Variants in NOXRED1 observed in about 807,000 individuals in gnomAD.
The protein encoded by NOXRED1 is NADP-dependent oxidoreductase domain-containing protein 1.
Under a neutral mutation model 30.4 loss-of-function variants are expected in NOXRED1, and 20 were observed. That is an observed-to-expected ratio of 0.66 (90% confidence interval 0.46 to 0.96). NOXRED1 has a LOEUF of 0.96. Ranked by LOEUF, NOXRED1 falls within the 40% of genes least tolerant of loss-of-function variation. The pLI, the probability that NOXRED1 is intolerant of heterozygous loss-of-function variation, is 0.00. For synonymous variants in NOXRED1, 155 were observed against 168.0 expected, an observed-to-expected ratio of 0.92 and a Z score of 0.60; for missense variants, 374 against 428.0, an observed-to-expected ratio of 0.87 and a Z score of 1.11.
intron 5 of NOXRED1, among the ~76,000 whole-genome samples, chr14:77,402,928 G>A (rs376780507): frequency 6.6e-6 from 1 of 151,846 alleles, no homozygotes. Flanking sequence ...CCAGCTACTT[G>A]GGAGGCTGAG....
intron 5 of NOXRED1, 22 bp downstream of exon 5, chr14:77,405,891 G>C: frequency 1.4e-6 from 2 of 1,422,736 alleles, no homozygotes; most frequent in Non-Finnish European, 2.0e-6. Context: ...AATGAGAATG[G>C]CCAGCTGTCC....
intron 5 of NOXRED1, among the ~76,000 whole-genome samples, chr14:77,404,240 G>A (rs1894400124): frequency 6.6e-6 from 1 of 152,184 alleles, no homozygotes; most frequent in Non-Finnish European, 1.5e-5. Flanking sequence ...ACAGAAAAGT[G>A]AGGGGAATCC....
intron 2 of NOXRED1, 31 bp from the exon 3 acceptor site, chr14:77,407,676 A>G (rs1372042984): frequency 3.9e-6 from 6 of 1,549,468 alleles, no homozygotes; most frequent in Non-Finnish European, 5.3e-6. Context: ...CAGGAAGAGC[A>G]CAGTACTAAA....
chr14:77,410,617 A>T (rs1415633201), intron 2 of NOXRED1, among the ~76,000 whole-genome samples: 1 of 152,142 alleles, frequency 6.6e-6, no homozygotes, highest in African/African-American at 2.4e-5. Context: ...TCTCAAAATA[A>T]ATAAATACAT....
chr14:77,406,202 T>A, intron 4 of NOXRED1, 67 bp from the exon 5 acceptor site: 1 of 1,148,470 alleles, frequency 8.7e-7, no homozygotes, highest in Non-Finnish European at 1.3e-6. Context: ...AAACCTAGAA[T>A]AAACCCCTGA....
intron 1 of NOXRED1, among the ~76,000 whole-genome samples, chr14:77,420,827 C>T (rs984743066): frequency 2.0e-5 from 3 of 152,278 alleles, no homozygotes; most frequent in East Asian, 3.9e-4. Context: ...GATTCTGGGG[C>T]CTGTCAAATC....
In NOXRED1 at chr14:77,394,435, T is replaced by C; in HGVS notation, c.*196A>G. On this transcript the variant is annotated 3_prime_UTR_variant, in exon 6 of 6. Transcript: ENST00000380835. ...TCACTAGTTGCTTCTGAGAGCCAGA[T>C]ACATATTGATGGATAGGACCACTTG... 4.9e-6 allele frequency: 2 copies of C among 409,168 alleles called. No homozygotes were observed. Among genetic ancestry groups the C allele is most frequent in the Non-Finnish European group, 8.6e-6 (2 of 231,378 alleles). The allele number at this position is 409,168 out of a possible 1,614,324, so 25.3% of individuals were successfully genotyped here. A position where few individuals can be genotyped will look rare whatever the true frequency, so the allele number is the denominator to read the frequency against.
Position 77,413,935 on chromosome 14 carries a change from C to T in NOXRED1, c.348G>A (p.Leu116=). The T allele has an allele frequency of 6.3e-7, 1 of 1,582,496 alleles. No homozygotes were observed. Among genetic ancestry groups the T allele is most frequent in the Non-Finnish European group, 8.6e-7 (1 of 1,158,874 alleles). ...TTTCTACCACACACTGCTCCTCACC[C>T]AGAGTCTCTGGCCTCCGAGTGGAGA... is the stretch of plus-strand genomic sequence containing the variant. ...LRISTRRPET[L]GELQKLGIKC... is the part of the protein sequence containing the mutation. The change falls in exon 2 of 6, where the codon CTG becomes CTA. Residue 116 remains leucine, a splice_region_variant and synonymous_variant. Transcript: ENST00000380835.
At chr14:77,414,311 C>T (rs1894754317) in intron 1 of NOXRED1, among the ~76,000 whole-genome samples, 184 bp from the exon 2 acceptor site, 1 of 151,750 alleles carries the variant, frequency 6.6e-6, no homozygotes, top group African/African-American at 2.4e-5. Context: ...TCCCGAGTAG[C>T]TGGGACTACA....
intron 5 of NOXRED1, among the ~76,000 whole-genome samples, chr14:77,401,159 G>C (rs1196637687): frequency 6.6e-6 from 1 of 152,170 alleles, no homozygotes; most frequent in African/African-American, 2.4e-5. Context: ...TGGATCACGA[G>C]GTCAGGAGTT....
Position 77,412,101 on chromosome 14 carries a change from T to TAAA in NOXRED1, c.349+1830_349+1832dup, listed in dbSNP as rs71128621. ...CTAGGTGACAGAGCAAGACTCAGTC[T>TAAA]AAAAAAAAAAAAAAAAAAAAAAAAA... On this transcript the variant is annotated intron_variant, in intron 2 of 5. Coordinates refer to ENST00000380835, the MANE Select transcript of NOXRED1 (RefSeq NM_001113475.3). Among the ~76,000 whole-genome samples, 204 of 63,696 alleles carry TAAA rather than the reference T, an allele frequency of 3.2e-3. 2 individuals carry two copies. Among genetic ancestry groups the TAAA allele is most frequent in the African/African-American group, 0.01 (183 of 17,996 alleles). 41.8% of individuals were successfully genotyped at this position (63,696 alleles called of 152,430 possible).
intron 5 of NOXRED1, among the ~76,000 whole-genome samples, chr14:77,400,525 A>G (rs1894299216): frequency 6.6e-6 from 1 of 152,196 alleles, no homozygotes; most frequent in Non-Finnish European, 1.5e-5. Flanking sequence ...ACTATATGTA[A>G]GATGTACATT....
chr14:77,407,720 G>T (rs1443086805), intron 2 of NOXRED1, 75 bp from the exon 3 acceptor site: 2 of 994,114 alleles, frequency 2.0e-6, no homozygotes, highest in African/African-American at 3.2e-5. Context: ...TGGGGAGAGG[G>T]TGATCATTAT....
At chr14:77,411,763 T>C (rs1894659442) in intron 2 of NOXRED1, among the ~76,000 whole-genome samples, 1 of 152,204 alleles carries the variant, frequency 6.6e-6, no homozygotes, top group African/African-American at 2.4e-5. Flanking sequence ...CATCAAATTG[T>C]ACTCTTTTAA....
intron 5 of NOXRED1, among the ~76,000 whole-genome samples, chr14:77,401,165 G>A: frequency 6.6e-6 from 1 of 151,954 alleles, no homozygotes; most frequent in East Asian, 1.9e-4. Flanking sequence ...ACGAGGTCAG[G>A]AGTTTGAGAC....
At chr14:77,413,565 G>A (rs1295990314) in intron 2 of NOXRED1, among the ~76,000 whole-genome samples, 1 of 151,962 alleles carries the variant, frequency 6.6e-6, no homozygotes, top group Non-Finnish European at 1.5e-5. Context: ...GTCAGTAAAT[G>A]TCATTTTTAA....
intron 5 of NOXRED1, among the ~76,000 whole-genome samples, chr14:77,395,288 A>G (rs1566704349): frequency 6.6e-6 from 1 of 151,546 alleles, no homozygotes; most frequent in Non-Finnish European, 1.5e-5. Flanking sequence ...TTGTATTTTT[A>G]GTAGATACGG....
rs552243637 is a variant in NOXRED1 at position 77,407,467 on chromosome 14, G to A, written c.528C>T (p.Pro176=). The A allele has an allele frequency of 6.2e-7, 1 of 1,611,386 alleles. No homozygotes were observed. The highest frequency in any genetic ancestry group is 1.1e-5 in the South Asian group (1 of 91,022). The part of the protein sequence containing the change: ...VYSFVAAIPL[P]RLKLLLNHTN... Reference sequence around the variant, plus strand: ...CCATTCTCACCCTAACAAGATACCTGGGTAGTGGGATGGCAGCTACAAAGC... The same window carrying A: ...CCATTCTCACCCTAACAAGATACCTAGGTAGTGGGATGGCAGCTACAAAGC... Residue 176 remains proline, a splice_region_variant and synonymous_variant, in exon 3 of 6, where the codon CCC becomes CCT. Transcript: ENST00000380835.
chr14:77,424,449 A>T (rs1348022536), upstream of NOXRED1, among the ~76,000 whole-genome samples: 1 of 152,252 alleles, frequency 6.6e-6, no homozygotes, highest in Non-Finnish European at 1.5e-5. Flanking sequence ...CCTGGGCGGC[A>T]GAGGGAGACT....
Sources: allele counts gnomAD v4.1 joint callset (sites outside exome capture counted in the v4.1 genomes callset), GRCh38; gene constraint gnomAD v4.1.1; transcripts MANE v1.5; gene names NCBI Gene and HGNC (gene_info 2026-07-23, HGNC 2026-07-21).